The following ALX4 variants were observed in gnomAD, a reference collection of about 807,000 sequenced individuals.
The protein encoded by ALX4 is ALX homeobox 4.
ALX4 carries 22 observed loss-of-function variants against 40.6 expected under a neutral mutation model. The observed-to-expected ratio is 0.54, with a 90% CI of 0.39 to 0.77. The LOEUF is 0.77. Ranked by LOEUF, ALX4 falls within the 30% of genes least tolerant of loss-of-function variation. ALX4 has a pLI of 0.00. For missense variants in ALX4, 556 were observed against 564.8 expected (o/e 0.98, Z 0.16); for synonymous variants, 266 against 240.5 (o/e 1.11, Z -0.98).
At chr11:44,287,138 C>G (rs1956343414) in intron 1 of ALX4, among the ~76,000 whole-genome samples, 1 of 152,252 alleles carries the variant, frequency 6.6e-6, no homozygotes. Flanking sequence ...GCCACCCCGT[C>G]CTCCACTGCT....
chr11:44,269,547 C>A (rs965002420), intron 2 of ALX4, among the ~76,000 whole-genome samples: 2 of 152,252 alleles, frequency 1.3e-5, no homozygotes, highest in Non-Finnish European at 2.9e-5. Flanking sequence ...TGTGGCTACA[C>A]GCACGTGCAT....
chr11:44,265,607 C>T (rs1045459663), intron 3 of ALX4, among the ~76,000 whole-genome samples: 4 of 152,168 alleles, frequency 2.6e-5, no homozygotes, highest in African/African-American at 7.2e-5. Flanking sequence ...GACCTCAACT[C>T]GGAGAGCTTT....
chr11:44,291,782 C>A lies in ALX4; in HGVS notation c.467-16124G>T, dbSNP rs529414485. On this transcript the variant is annotated intron_variant, in intron 1 of 3. Coordinates refer to ENST00000652299, the MANE Select transcript of ALX4 (RefSeq NM_021926.4). ...TGTGCTGCTTTCACCAACATCAAAT[C>A]TTTTCTTTCTCAAATGTGCTCCTTC... Among the ~76,000 whole-genome samples the A allele has an allele frequency of 6.0e-4, 92 of 152,290 alleles. 1 individual carries two copies. The Middle Eastern group carries it at 0.01, about 17-fold the overall frequency.
At position 44,264,804 on chromosome 11, in the gene ALX4, T is replaced by C; in HGVS notation, c.*50A>G. 1 of 1,598,528 alleles carries C rather than the reference T, an allele frequency of 6.3e-7. No individual in the cohort carries two copies. The highest frequency in any genetic ancestry group is 8.5e-7 in the Non-Finnish European group (1 of 1,171,360). On this transcript the variant is annotated 3_prime_UTR_variant, in exon 4 of 4. Coordinates refer to ENST00000652299, the MANE Select transcript of ALX4 (RefSeq NM_021926.4). ...TGGGAGGCTGGGGGCCTGGAAAACA[T>C]GGGCGTGGCCCATGGTGTCCCGAGG...
intron 2 of ALX4, among the ~76,000 whole-genome samples, chr11:44,275,080 C>T (rs952873411): frequency 6.6e-6 from 1 of 152,180 alleles, no homozygotes. Flanking sequence ...CAGCAGCCTT[C>T]CTGCCCCTCT....
intron 1 of ALX4, among the ~76,000 whole-genome samples, chr11:44,303,069 C>A (rs1007732380): frequency 6.6e-6 from 1 of 152,168 alleles, no homozygotes; most frequent in South Asian, 2.1e-4. Context: ...CCGGTCCCCA[C>A]GTGTGCCGCG....
intron 1 of ALX4, among the ~76,000 whole-genome samples, chr11:44,281,731 C>T (rs894635058): frequency 3.3e-5 from 5 of 152,210 alleles, no homozygotes; most frequent in South Asian, 2.1e-4. Context: ...CCCACCCCAC[C>T]TCATCTGACA....
Position 44,309,236 on chromosome 11 carries a change from G to GAGCGCTGCGCGGAGACTCCTT in ALX4, c.466+340_466+360dup, listed in dbSNP as rs1364181375. ...CCCGCAGCCCCGCAGCCCAGCGCCA[G>GAGCGCTGCGCGGAGACTCCTT]AGCGCTGCGCGGAGACTCCTTGCCG... is the stretch of plus-strand genomic sequence containing the variant. On this transcript the variant is annotated intron_variant, in intron 1 of 3. Transcript: ENST00000652299. Among the ~76,000 whole-genome samples, 41 of 50,746 alleles carry GAGCGCTGCGCGGAGACTCCTT rather than the reference G, an allele frequency of 8.1e-4. 1 individual carries two copies. The highest frequency in any genetic ancestry group is 1.9e-3 in the South Asian group (2 of 1,032). The allele number at this position is 50,746 out of a possible 152,430, so 33.3% of individuals were successfully genotyped here.
intron 1 of ALX4, among the ~76,000 whole-genome samples, chr11:44,283,018 T>C (rs1455726023): frequency 6.6e-6 from 1 of 152,134 alleles, no homozygotes; most frequent in African/African-American, 2.4e-5. Context: ...CAGAGGCGGA[T>C]GGTGGATCAC....
chr11:44,269,331 ATT>A (rs1956231571), intron 2 of ALX4, among the ~76,000 whole-genome samples: 1 of 152,158 alleles, frequency 6.6e-6, no homozygotes, highest in Non-Finnish European at 1.5e-5. Context: ...AGTACTTCCC[ATT>A]TGTTTCTTTA....
intron 1 of ALX4, among the ~76,000 whole-genome samples, chr11:44,295,662 A>G (rs1428995364): frequency 6.6e-6 from 1 of 152,238 alleles, no homozygotes; most frequent in East Asian, 1.9e-4. Flanking sequence ...AAATCTTCAA[A>G]ATATGCATGG....
intron 3 of ALX4, 58 bp from the exon 4 acceptor site, chr11:44,265,241 C>T (rs1228556338): frequency 1.4e-6 from 2 of 1,467,910 alleles, no homozygotes; most frequent in East Asian, 2.4e-5. Flanking sequence ...GTGGAAGGGG[C>T]TCGCCCCTTC....
In ALX4 at chr11:44,263,952, C is replaced by T. The variant is rs76229477; in HGVS notation, c.*902G>A. ...TGGAGAACAAAGCTGCCCAGACCTC[C>T]CCGCTGTACCAGATGCCAGGCAGGC... On this transcript the variant is annotated 3_prime_UTR_variant, in exon 4 of 4. Coordinates refer to ENST00000652299, the MANE Select transcript of ALX4 (RefSeq NM_021926.4). 1,240 of 152,482 alleles carry T rather than the reference C, an allele frequency of 8.1e-3. 28 individuals carry two copies. The highest frequency in any genetic ancestry group is 0.028 in the African/African-American group (1,181 of 41,580). 9.4% of individuals were successfully genotyped at this position (152,482 alleles called of 1,614,324 possible). A position where few individuals can be genotyped will look rare whatever the true frequency, so the allele number is the denominator to read the frequency against.
At chr11:44,289,361 A>G (rs1956356844) in intron 1 of ALX4, among the ~76,000 whole-genome samples, 1 of 152,244 alleles carries the variant, frequency 6.6e-6, no homozygotes, top group Admixed American at 6.5e-5. Flanking sequence ...CATGACAGCA[A>G]TAATGTAATG....
chr11:44,308,714 T>C (rs1387451557), intron 1 of ALX4, among the ~76,000 whole-genome samples: 1 of 152,310 alleles, frequency 6.6e-6, no homozygotes, highest in Non-Finnish European at 1.5e-5. Context: ...TTGGAGGTCA[T>C]TTAGGCCAGC....
rs747374643 is a variant in ALX4 at position 44,309,758 on chromosome 11, G to A, written c.305C>T (p.Pro102Leu). 1.3e-6 allele frequency: 2 copies of A among 1,545,074 alleles called. No individual in the cohort carries two copies. Among genetic ancestry groups the A allele is most frequent in the South Asian group, 2.4e-5 (2 of 84,300 alleles). The change falls in exon 1 of 4, where the codon CCG (proline) becomes CTG (leucine). Residue 102 changes from proline (P) to leucine (L), a missense_variant. Pro to Leu is a moderately conservative substitution (Grantham distance 98). Transcript: ENST00000652299. ...CTGCTGCTGCGGCTGCGGCTGCGGC[G>A]GCGGCTGGGGCTGCGGGGTCGACGG... ...PQPSTPQPQP[P>L]PQPQPQQQQP...
At chr11:44,283,511 A>G (rs1359607571) in intron 1 of ALX4, among the ~76,000 whole-genome samples, 4 of 152,226 alleles carry the variant, frequency 2.6e-5, no homozygotes, top group Non-Finnish European at 5.9e-5. Flanking sequence ...GATTGGTTAA[A>G]TAAAGGATGA....
At chr11:44,291,850 G>A (rs777991715) in intron 1 of ALX4, among the ~76,000 whole-genome samples, 13 of 152,212 alleles carry the variant, frequency 8.5e-5, no homozygotes, top group Middle Eastern at 3.4e-3. Context: ...ACGGAGTCTC[G>A]CTCTGTCACC....
rs377477011 is a variant in ALX4, at chr11:44,267,484, C to G, written c.906+10G>C. On this transcript the variant is annotated intron_variant, in intron 3 of 3. Coordinates refer to ENST00000652299, the MANE Select transcript of ALX4 (RefSeq NM_021926.4). The stretch of plus-strand genomic sequence containing the variant: ...GGGGATCGGTGGCGGCAGCTCAGGG[C>G]GGGACTTACCTGGGCGTAGTTCTCA... 24 of 1,613,534 alleles carry G rather than the reference C, an allele frequency of 1.5e-5. No homozygotes were observed. The highest frequency in any genetic ancestry group is 3.3e-5 in the Admixed American group (2 of 60,000).
Sources: gnomAD v4.1 joint callset for allele counts (sites outside exome capture counted in the v4.1 genomes callset) on GRCh38, gnomAD v4.1.1 for gene constraint, MANE v1.5 for transcripts, NCBI Gene and HGNC (gene_info 2026-07-23, HGNC 2026-07-21) for gene names.